CMIP: variants seen among roughly 807,000 people sequenced by gnomAD.
CMIP encodes the protein C-Maf-inducing protein.
CMIP carries 13 observed loss-of-function variants against 97.3 expected under a neutral mutation model. The ratio of observed to expected loss-of-function variants is 0.13; its 90% confidence interval spans 0.09 to 0.21. The LOEUF (loss-of-function observed/expected upper bound fraction) is 0.21. Among genes scored for constraint, CMIP ranks in the 10% least tolerant of loss-of-function variants. The pLI is 1.00. For missense variants in CMIP, 847 were observed against 1,024.9 expected, an observed-to-expected ratio of 0.83 and a Z score of 2.37; for synonymous variants, 538 against 436.3, an observed-to-expected ratio of 1.23 and a Z score of -2.91.
intron 1 of CMIP, among the ~76,000 whole-genome samples, chr16:81,559,609 G>A (rs1305472646): frequency 6.6e-6 from 1 of 152,166 alleles, no homozygotes; most frequent in Non-Finnish European, 1.5e-5. Context: ...AGATGTCATA[G>A]TGCAATGCAT....
intron 1 of CMIP, among the ~76,000 whole-genome samples, chr16:81,543,681 A>G (rs768218350): frequency 2.0e-5 from 3 of 152,222 alleles, no homozygotes; most frequent in Non-Finnish European, 2.9e-5. Context: ...ACAAGCTACT[A>G]TCTTAGAACA....
At chr16:81,677,222 G>A (rs1904362099) in intron 9 of CMIP, among the ~76,000 whole-genome samples, 1 of 152,116 alleles carries the variant, frequency 6.6e-6, no homozygotes. Flanking sequence ...GCTCTTAGGG[G>A]ACCTTGGAAG....
At chr16:81,600,076 C>T (rs2091632048) in intron 1 of CMIP, among the ~76,000 whole-genome samples, 1 of 151,742 alleles carries the variant, frequency 6.6e-6, no homozygotes, top group South Asian at 2.1e-4. Context: ...GTCAGGAGTT[C>T]AAGAGCATCC....
intron 1 of CMIP, among the ~76,000 whole-genome samples, chr16:81,589,117 A>T (rs2091427889): frequency 6.6e-6 from 1 of 150,512 alleles, no homozygotes; most frequent in Non-Finnish European, 1.5e-5. Context: ...TTTTTGAGGC[A>T]GTGTGTCACC....
chr16:81,615,279 CTG>C (rs373409935), intron 2 of CMIP, among the ~76,000 whole-genome samples: 20,701 of 128,256 alleles, frequency 0.16, 1,532 homozygotes, highest in South Asian at 0.22. Flanking sequence ...TGGTATGTGG[CTG>C]TGTGGTGTGT....
intron 1 of CMIP, among the ~76,000 whole-genome samples, chr16:81,598,313 T>G (rs1384400040): frequency 6.6e-6 from 1 of 152,158 alleles, no homozygotes; most frequent in Non-Finnish European, 1.5e-5. Flanking sequence ...GGGCGGCGCC[T>G]GGCCACATCT....
intron 3 of CMIP, among the ~76,000 whole-genome samples, chr16:81,639,936 G>A (rs1184586912): frequency 6.6e-6 from 1 of 152,170 alleles, no homozygotes; most frequent in Non-Finnish European, 1.5e-5. Context: ...GGAAGCCCGG[G>A]GATGTTAGCT....
rs183827652 is a variant in CMIP, at chr16:81,523,051, C to A, written c.300+77510C>A. ...AAGTGATCCTCCCACCTCAGCCCCC[C>A]AAGTAGCTGGGACTACAGGCACGCA... On this transcript the variant is annotated intron_variant, in intron 1 of 20. Coordinates refer to ENST00000537098, the MANE Select transcript of CMIP (RefSeq NM_198390.3). Among the ~76,000 whole-genome samples, 319 of 152,218 alleles carry A rather than the reference C, an allele frequency of 2.1e-3. 1 individual carries two copies. The highest frequency in any genetic ancestry group is 3.0e-3 in the Non-Finnish European group (207 of 68,002).
intron 13 of CMIP, 32 bp from the exon 14 acceptor site, chr16:81,696,528 A>G (rs1906737083): frequency 1.3e-6 from 2 of 1,591,086 alleles, no homozygotes; most frequent in African/African-American, 2.7e-5. Flanking sequence ...GGCTGCATGC[A>G]GCTCACACTT....
At chr16:81,624,870 G>C (rs1203658594) in intron 3 of CMIP, among the ~76,000 whole-genome samples, 1 of 152,180 alleles carries the variant, frequency 6.6e-6, no homozygotes, top group Non-Finnish European at 1.5e-5. Context: ...TTCCGTCTGG[G>C]TAACAGTGTT....
rs1567630805 is a variant in CMIP, at chr16:81,645,423, G to A, written c.478-6780G>A. On this transcript the variant is annotated intron_variant, in intron 3 of 20. Coordinates refer to ENST00000537098, the MANE Select transcript of CMIP (RefSeq NM_198390.3). ...GCAGCAGAGCAGCAGCCCCTGCCTG[G>A]CGCGACGTGCTTCCAGTGCATTCTG... is the stretch of plus-strand genomic sequence containing the variant. The A allele has an allele frequency of 2.7e-6, 4 of 1,489,112 alleles. No homozygotes were observed. The East Asian group carries it at 9.9e-5, about 37-fold the overall frequency. 92.2% of individuals were successfully genotyped at this position (1,489,112 alleles called of 1,614,324 possible). A position where few individuals can be genotyped will look rare whatever the true frequency, so the allele number is the denominator to read the frequency against.
intron 1 of CMIP, among the ~76,000 whole-genome samples, chr16:81,564,719 A>G (rs1180295000): frequency 6.6e-6 from 1 of 152,174 alleles, no homozygotes; most frequent in Non-Finnish European, 1.5e-5. Context: ...GACCCTGCAG[A>G]TTGCACTTCT....
chr16:81,636,105 G>A (rs960712660), intron 3 of CMIP, among the ~76,000 whole-genome samples: 37 of 152,022 alleles, frequency 2.4e-4, no homozygotes, highest in Admixed American at 2.4e-3. Flanking sequence ...GTGTAACTGG[G>A]TTGTGGGTGT....
At chr16:81,670,991 G>A (rs896407578) in intron 8 of CMIP, among the ~76,000 whole-genome samples, 1 of 152,032 alleles carries the variant, frequency 6.6e-6, no homozygotes, top group African/African-American at 2.4e-5. Flanking sequence ...ACGACTCCTG[G>A]CTAATTTTTG....
intron 1 of CMIP, among the ~76,000 whole-genome samples, chr16:81,587,552 GT>G (rs934477218): frequency 1.3e-5 from 2 of 152,156 alleles, no homozygotes; most frequent in Non-Finnish European, 2.9e-5. Flanking sequence ...TGAGGTGGGT[GT>G]TCTTCTCATT....
At position 81,621,033 on chromosome 16, in the gene CMIP, A is replaced by G; in HGVS notation, c.477+107A>G. The G allele has an allele frequency of 7.1e-7, 1 of 1,406,358 alleles. No individual in the cohort carries two copies. Among genetic ancestry groups the G allele is most frequent in the Admixed American group, 1.9e-5 (1 of 52,584 alleles). 87.1% of individuals were successfully genotyped at this position (1,406,358 alleles called of 1,614,324 possible). Reference sequence around the variant, plus strand: ...TGAAAGTGGAGAACTCATGCCTTCCAGATGGCTCAGCTGAGGAACTTTGTT... The same window carrying G: ...TGAAAGTGGAGAACTCATGCCTTCCGGATGGCTCAGCTGAGGAACTTTGTT... On this transcript the variant is annotated intron_variant, in intron 3 of 20. Transcript: ENST00000537098. This position sits in a 1 kb window ranked among gnomAD's most constrained non-coding sequence, Gnocchi z 4.1.
chr16:81,457,801 T>G (rs1182964371), intron 1 of CMIP, among the ~76,000 whole-genome samples: 1 of 152,156 alleles, frequency 6.6e-6, no homozygotes, highest in Non-Finnish European at 1.5e-5. Context: ...AAAAACAATG[T>G]GGGGGCCTTA....
chr16:81,688,365 G>A (rs1487478172), intron 10 of CMIP, among the ~76,000 whole-genome samples: 3 of 152,244 alleles, frequency 2.0e-5, no homozygotes, highest in Non-Finnish European at 4.4e-5. Flanking sequence ...GGCAGGCGTT[G>A]GCTTTTGCTA....
intron 10 of CMIP, among the ~76,000 whole-genome samples, chr16:81,684,232 C>T (rs1371140808): frequency 6.6e-5 from 10 of 152,246 alleles, no homozygotes; most frequent in East Asian, 1.9e-4. Flanking sequence ...TCCGGCCTCG[C>T]GGGTAACAGC....
Sources: allele counts gnomAD v4.1 joint callset (sites outside exome capture counted in the v4.1 genomes callset), GRCh38; gene constraint gnomAD v4.1.1; non-coding constraint Gnocchi (gnomAD v3.1); transcripts MANE v1.5; gene names NCBI Gene and HGNC (gene_info 2026-07-23, HGNC 2026-07-21).